Variants in FHIT observed in about 807,000 individuals in gnomAD.
The protein encoded by FHIT is bis(5'-adenosyl)-triphosphatase.
In FHIT, 19 loss-of-function variants were observed where a neutral mutation model predicts 17.9. The observed-to-expected ratio is 1.06, with a 90% CI of 0.74 to 1.56. FHIT has a LOEUF of 1.56. Ranked by LOEUF, FHIT falls within the 40% of genes most tolerant of loss-of-function variation. The pLI, the probability that FHIT is intolerant of heterozygous loss-of-function variation, is 0.00. For missense variants in FHIT, 248 were observed against 189.2 expected, an observed-to-expected ratio of 1.31 and a Z score of -1.82; for synonymous variants, 81 against 69.7, an observed-to-expected ratio of 1.16 and a Z score of -0.81.
At chr3:60,591,339 T>G (rs1489412620) in intron 4 of FHIT, among the ~76,000 whole-genome samples, 1 of 152,026 alleles carries the variant, frequency 6.6e-6, no homozygotes, top group East Asian at 1.9e-4. Context: ...TACTCAAAAA[T>G]TTCCAAACCT....
intron 5 of FHIT, among the ~76,000 whole-genome samples, chr3:60,184,841 T>A (rs1295485514): frequency 6.6e-6 from 1 of 152,186 alleles, no homozygotes; most frequent in Non-Finnish European, 1.5e-5. Flanking sequence ...TTTATTCAAA[T>A]CTTTTTTTAT....
intron 8 of FHIT, among the ~76,000 whole-genome samples, chr3:59,812,544 G>C (rs1223282318): frequency 6.6e-6 from 1 of 152,196 alleles, no homozygotes; most frequent in Non-Finnish European, 1.5e-5. Flanking sequence ...TATATTTAAT[G>C]AATCCTAAAT....
At chr3:60,097,533 G>C (rs1446381930) in intron 5 of FHIT, among the ~76,000 whole-genome samples, 1 of 151,978 alleles carries the variant, frequency 6.6e-6, no homozygotes, top group Non-Finnish European at 1.5e-5. Flanking sequence ...CACAACCTCT[G>C]AGACAGCAAC....
chr3:60,573,953 G>A (rs782766738), intron 4 of FHIT, among the ~76,000 whole-genome samples: 1 of 151,968 alleles, frequency 6.6e-6, no homozygotes, highest in Non-Finnish European at 1.5e-5. Context: ...GGAATTACAG[G>A]CAAGCACCAC....
intron 5 of FHIT, among the ~76,000 whole-genome samples, chr3:60,158,167 G>A (rs1700784160): frequency 6.6e-6 from 1 of 152,030 alleles, no homozygotes; most frequent in South Asian, 2.1e-4. Flanking sequence ...CATATAGCTG[G>A]GCCTCACTGT....
chr3:60,398,337 G>A (rs571879050), intron 5 of FHIT, among the ~76,000 whole-genome samples: 48 of 152,220 alleles, frequency 3.2e-4, no homozygotes, highest in African/African-American at 8.9e-4. Flanking sequence ...ATGCTAGAAA[G>A]GGAGAGGAAA....
At chr3:59,943,846 T>C (rs902911345) in intron 7 of FHIT, among the ~76,000 whole-genome samples, 5 of 152,190 alleles carry the variant, frequency 3.3e-5, no homozygotes, top group Non-Finnish European at 7.4e-5. Context: ...AGACTCCTTG[T>C]GCATGCATCC....
intron 4 of FHIT, among the ~76,000 whole-genome samples, chr3:60,779,745 G>A (rs1401838688): frequency 2.0e-5 from 3 of 151,952 alleles, no homozygotes; most frequent in South Asian, 2.1e-4. Flanking sequence ...AAGGAAAATC[G>A]GATCTTAGGG....
chr3:60,470,797 A>G (rs527243280), intron 5 of FHIT, among the ~76,000 whole-genome samples: 1 of 152,216 alleles, frequency 6.6e-6, no homozygotes, highest in South Asian at 2.1e-4. Flanking sequence ...CCCTGTAGCC[A>G]CCACAGCTGG....
chr3:60,979,088 T>G (rs1710381549), intron 3 of FHIT, among the ~76,000 whole-genome samples: 7 of 152,232 alleles, frequency 4.6e-5, no homozygotes, highest in Admixed American at 4.6e-4. Context: ...AAAATACATC[T>G]GATGATTTAC....
chr3:60,419,520 G>C, intron 5 of FHIT, among the ~76,000 whole-genome samples: 1 of 152,086 alleles, frequency 6.6e-6, no homozygotes, highest in East Asian at 1.9e-4. Context: ...TACAAATCAA[G>C]GGGCTCCAAC....
intron 5 of FHIT, among the ~76,000 whole-genome samples, chr3:60,181,835 ATTAAG>A (rs1559705490): frequency 6.6e-6 from 1 of 152,270 alleles, no homozygotes; most frequent in South Asian, 2.1e-4. Flanking sequence ...TTTAGCATTT[ATTAAG>A]TTGTTACATG....
chr3:60,378,226 C>T (rs1279836107), intron 5 of FHIT, among the ~76,000 whole-genome samples: 2 of 151,824 alleles, frequency 1.3e-5, no homozygotes, highest in African/African-American at 4.8e-5. Flanking sequence ...CGGGGTTTCA[C>T]CATTCACAGG....
rs2036903583 is a variant in FHIT, at chr3:60,560,650, A to G, written c.-17-23671T>C. Among the ~76,000 whole-genome samples, 2 of 152,024 alleles carry G rather than the reference A, an allele frequency of 1.3e-5. 1 individual carries two copies. Among genetic ancestry groups the G allele is most frequent in the South Asian group, 4.1e-4 (2 of 4,824 alleles). ...GCAGGCCTTATCTGGCCTGCTTGCC[A>G]TATGGAGACTGATGGGCAGACTGTT... On this transcript the variant is annotated intron_variant, in intron 4 of 9. Transcript: ENST00000492590.
rs534686605 is a variant in FHIT at position 59,809,887 on chromosome 3, G to A, written c.349-57566C>T. ...CCAGGCTGAGAGACCTGGGGCCTTG[G>A]AAGCAAGCACACGCTGGCTGAGCTG... On this transcript the variant is annotated intron_variant, in intron 8 of 9. Coordinates refer to ENST00000492590, the MANE Select transcript of FHIT (RefSeq NM_002012.4). 3.3e-5 allele frequency among the ~76,000 whole-genome samples: 5 copies of A among 152,264 alleles called. No individual in the cohort carries two copies. In the East Asian group the frequency reaches 9.7e-4, roughly 29 times the overall value.
chr3:60,669,229 T>C (rs141868205), intron 4 of FHIT, among the ~76,000 whole-genome samples: 1 of 152,262 alleles, frequency 6.6e-6, no homozygotes, highest in Non-Finnish European at 1.5e-5. Flanking sequence ...AAAAGAGTGG[T>C]TGTTGGTAGA....
intron 4 of FHIT, among the ~76,000 whole-genome samples, chr3:60,577,812 G>A (rs1276048499): frequency 5.9e-5 from 9 of 152,078 alleles, no homozygotes; most frequent in African/African-American, 2.2e-4. Context: ...TGAATCATTA[G>A]ATGCCTCATT....
At chr3:60,316,358 C>G (rs774997080) in intron 5 of FHIT, among the ~76,000 whole-genome samples, 1 of 152,028 alleles carries the variant, frequency 6.6e-6, no homozygotes, top group Non-Finnish European at 1.5e-5. Flanking sequence ...AAAAACATGA[C>G]AGTATAAGTG....
intron 5 of FHIT, among the ~76,000 whole-genome samples, chr3:60,046,873 A>T (rs1210737149): frequency 6.6e-6 from 1 of 152,244 alleles, no homozygotes; most frequent in Non-Finnish European, 1.5e-5. Context: ...CTGACATAGT[A>T]AACAGCTTTC....
Sources: gnomAD v4.1 joint callset for allele counts (sites outside exome capture counted in the v4.1 genomes callset) on GRCh38, gnomAD v4.1.1 for gene constraint, MANE v1.5 for transcripts, NCBI Gene and HGNC (gene_info 2026-07-23, HGNC 2026-07-21) for gene names.